Variants in MADD observed in about 807,000 individuals in gnomAD.
The protein encoded by MADD is MAP kinase-activating death domain protein.
A neutral mutation model predicts 176.7 loss-of-function variants in MADD; 109 were observed. The ratio of observed to expected loss-of-function variants is 0.62; its 90% CI spans 0.53 to 0.72. MADD has a LOEUF of 0.72. MADD is among the 30% of genes least tolerant of loss of function. The pLI is 0.00. For missense variants in MADD, 1,914 were observed against 2,045.5 expected, an observed-to-expected ratio of 0.94 and a Z score of 1.24; for synonymous variants, 771 against 771.3, an observed-to-expected ratio of 1.00 and a Z score of 0.01.
exon 11 of MADD, chr11:47,284,258 G>A (rs540783175): frequency 1.2e-6 from 2 of 1,614,094 alleles, no homozygotes; most frequent in Non-Finnish European, 1.7e-6. Context: ...ATGATGAAAT[G>A]TGACATTAAT....
intron 20 of MADD, among the ~76,000 whole-genome samples, chr11:47,295,010 TTTTTTTG>T (rs964091668): frequency 8.1e-6 from 1 of 123,344 alleles, no homozygotes; most frequent in Admixed American, 7.8e-5. Context: ...TTGTTTTTTG[TTTTTTTG>T]TTTTTTTTTT....
At chr11:47,284,549 T>A (rs1371738864) in exon 12 of MADD, 2 of 1,613,926 alleles carry the variant, frequency 1.2e-6, no homozygotes, top group Admixed American at 3.3e-5. Context: ...AGCACTGTCA[T>A]CCACGGAGCC....
chr11:47,306,418 G>A (rs902807510), intron 22 of MADD, among the ~76,000 whole-genome samples: 1 of 152,190 alleles, frequency 6.6e-6, no homozygotes, highest in African/African-American at 2.4e-5. Context: ...GGCCACAGGG[G>A]CTGGCGCATA....
chr11:47,282,672 A>T, intron 9 of MADD, 56 bp downstream of exon 9: 1 of 1,595,888 alleles, frequency 6.3e-7, no homozygotes, highest in Non-Finnish European at 8.6e-7. Flanking sequence ...CTCCTGATGG[A>T]CTTTGATTTT....
chr11:47,315,132 T>C (rs925741001), intron 26 of MADD, 88 bp from the exon 30 acceptor site: 4 of 753,848 alleles, frequency 5.3e-6, no homozygotes, highest in African/African-American at 1.7e-5. Flanking sequence ...GAAGCCGATA[T>C]GAATTTGATT....
upstream of MADD, chr11:47,269,902 A>T (rs2135817561): frequency 6.6e-6 from 1 of 152,208 alleles, no homozygotes; most frequent in East Asian, 1.9e-4. Context: ...CAACCCAAAC[A>T]GAAGGTACTG....
At chr11:47,301,028 CTT>C (rs796793022) in intron 22 of MADD, among the ~76,000 whole-genome samples, 9 of 111,596 alleles carry the variant, frequency 8.1e-5, no homozygotes, top group Admixed American at 2.5e-4. Flanking sequence ...CACTCTCTCT[CTT>C]TTTTTTTTTT....
At position 47,277,444 on chromosome 11, in the gene MADD, A is replaced by G. The variant is rs1242628643; in HGVS notation, c.1095+581A>G. On this transcript the variant is annotated intron_variant, in intron 5 of 32. Coordinates refer to ENST00000402192, the Ensembl canonical transcript of MADD. ...AGTAGCTGGGATTACAGGCACTGCC[A>G]CCACCACACACCAAATAATTTTTTG... Among the ~76,000 whole-genome samples, 8 of 152,034 alleles carry G rather than the reference A, an allele frequency of 5.3e-5. No homozygotes were observed. In the East Asian group the frequency reaches 1.5e-3, roughly 29 times the overall value.
Position 47,289,377 on chromosome 11 carries a change from C to T in MADD, c.2654-14C>T, listed in dbSNP as rs1039874834. On this transcript the variant is annotated splice_polypyrimidine_tract_variant and intron_variant, in intron 15 of 32. Coordinates refer to ENST00000402192, the Ensembl canonical transcript of MADD. ...CAATAGTGATGTCTCTCATTCCTGC[C>T]TTCCCTGCCACAGGAAACAGGAGGG... 1 of 1,602,300 alleles carries T rather than the reference C, an allele frequency of 6.2e-7. No homozygotes were observed. The highest frequency in any genetic ancestry group is 1.7e-5 in the Admixed American group (1 of 60,010).
At chr11:47,317,075 C>T (rs2093291817) in intron 27 of MADD, among the ~76,000 whole-genome samples, 1 of 152,214 alleles carries the variant, frequency 6.6e-6, no homozygotes, top group South Asian at 2.1e-4. Flanking sequence ...AAAGATAGCA[C>T]ATCTTATCCA....
chr11:47,279,729 G>A (rs1014688536), intron 7 of MADD, among the ~76,000 whole-genome samples: 1 of 151,886 alleles, frequency 6.6e-6, no homozygotes, highest in Non-Finnish European at 1.5e-5. Flanking sequence ...CCGTCTGGCT[G>A]CTTTTATATT....
At chr11:47,276,885 G>C (rs762261913) in intron 5 of MADD, 22 bp downstream of exon 5, 1 of 1,612,560 alleles carries the variant, frequency 6.2e-7, no homozygotes, top group Non-Finnish European at 8.5e-7. Context: ...GGCGACTTCC[G>C]GCTTTCTCAC....
At chr11:47,286,901 A>G (rs972883400) in intron 15 of MADD, among the ~76,000 whole-genome samples, 2 of 152,170 alleles carry the variant, frequency 1.3e-5, no homozygotes, top group African/African-American at 4.8e-5. Context: ...GGCCCACCAG[A>G]GAATGGTTAT....
intron 23 of MADD, 29 bp downstream of exon 26, chr11:47,309,071 C>T: frequency 6.2e-7 from 1 of 1,612,204 alleles, no homozygotes; most frequent in Non-Finnish European, 8.5e-7. Flanking sequence ...GTGCTGTGTT[C>T]ATCCCTCCTC....
At chr11:47,303,560 C>T (rs2079804020) in intron 22 of MADD, among the ~76,000 whole-genome samples, 1 of 144,736 alleles carries the variant, frequency 6.9e-6, no homozygotes, top group South Asian at 2.2e-4. Context: ...TTTTAGAATT[C>T]TCTCTTTGAC....
chr11:47,311,795 G>A (rs1282798028), exon 26 of MADD: 9 of 1,613,974 alleles, frequency 5.6e-6, no homozygotes, highest in Admixed American at 1.7e-5. Context: ...CATTGGGCTT[G>A]TGTACAGCCA....
chr11:47,326,577 G>T (rs1385356844), intron 30 of MADD, 25 bp downstream of exon 34: 6 of 1,418,424 alleles, frequency 4.2e-6, no homozygotes, highest in South Asian at 1.6e-5. Flanking sequence ...TGCTATCTTC[G>T]CTTCTTAGCG....
rs77354384 is a variant in MADD, at chr11:47,327,315, G to A, written c.4612+508G>A. ...GGAGTCTAGCGGGACAGCTGTAGCCGGAAGCTGGGAGCCAGCGCTAGGGAG... is the reference window on the plus strand; with the variant it reads ...GGAGTCTAGCGGGACAGCTGTAGCCAGAAGCTGGGAGCCAGCGCTAGGGAG... On this transcript the variant is annotated intron_variant, in intron 31 of 32. Coordinates refer to ENST00000402192, the Ensembl canonical transcript of MADD. 1.2e-4 allele frequency: 117 copies of A among 988,342 alleles called. No homozygotes were observed. In the East Asian group the frequency reaches 4.1e-3, roughly 34 times the overall value. The allele number at this position is 988,342 out of a possible 1,614,324, so 61.2% of individuals were successfully genotyped here.
intron 12 of MADD, 123 bp downstream of exon 12, chr11:47,284,688 A>C: frequency 7.4e-7 from 1 of 1,350,952 alleles, no homozygotes; most frequent in Non-Finnish European, 1.0e-6. Flanking sequence ...CTTCCTCTTC[A>C]TGGGCCCTAG....
Sources: gnomAD v4.1 joint callset for allele counts (sites outside exome capture counted in the v4.1 genomes callset) on GRCh38, gnomAD v4.1.1 for gene constraint, MANE v1.5 for transcripts, NCBI Gene and HGNC (gene_info 2026-07-23, HGNC 2026-07-21) for gene names.